The following NEXMIF variants were observed in gnomAD, a reference collection of about 807,000 sequenced individuals.
The protein encoded by NEXMIF is neurite extension and migration factor, also known as XLMR protein related to neurite extension.
In NEXMIF, 8 loss-of-function variants were observed where a neutral mutation model predicts 62.1. That is an observed-to-expected ratio of 0.13 (90% CI 0.08 to 0.23). NEXMIF has a LOEUF of 0.23. Among genes scored for constraint, NEXMIF ranks in the 10% least tolerant of loss-of-function variants. The probability of loss-of-function intolerance (pLI) is 1.00; values close to 1 mark genes in which losing one functional copy is unlikely to be tolerated. For missense variants in NEXMIF, 976 were observed against 1,113.3 expected (o/e 0.88, Z 1.75); for synonymous variants, 404 against 416.6 (o/e 0.97, Z 0.37).
chrX:74,740,195 G>A lies in NEXMIF; in HGVS notation c.4362C>T (p.Ser1454=). 1.7e-6 allele frequency: 2 copies of A among 1,211,189 alleles called. No individual in the cohort carries two copies. Among genetic ancestry groups the A allele is most frequent in the Middle Eastern group, 2.3e-4 (1 of 4,349 alleles). Reference sequence around the variant, plus strand: ...TACATTTCTCATCTCTCAGGGCCTTGGAGCTGGATTTGTGACGATACAACT... The same window carrying A: ...TACATTTCTCATCTCTCAGGGCCTTAGAGCTGGATTTGTGACGATACAACT... ...HKKLYRHKSS[S]KALRDEKCKG... The change falls in exon 3 of 4, where the codon TCC becomes TCT. Residue 1454 remains serine, a synonymous_variant. Coordinates refer to ENST00000055682, the MANE Select transcript of NEXMIF (RefSeq NM_001008537.3).
At chrX:74,832,520 TG>T (rs1272602223) in intron 1 of NEXMIF, among the ~76,000 whole-genome samples, 1 of 111,151 alleles carries the variant, frequency 9.0e-6, no homozygotes, top group East Asian at 2.8e-4. Flanking sequence ...GGTTACAGTT[TG>T]TCAATTTTAT....
chrX:74,859,412 A>T (rs764128134), intron 1 of NEXMIF, among the ~76,000 whole-genome samples: 55 of 111,737 alleles, frequency 4.9e-4, no homozygotes, highest in South Asian at 4.5e-3. Flanking sequence ...TCCCGTGAAA[A>T]TTGCCTTCAA....
At chrX:74,787,104 C>CAA (rs766388500) in intron 1 of NEXMIF, among the ~76,000 whole-genome samples, 455 of 31,741 alleles carry the variant, frequency 0.014, 9 homozygotes, top group East Asian at 0.057. Flanking sequence ...ACCAAAAATA[C>CAA]AAAAAAAAAA....
At chrX:74,785,582 A>T in intron 1 of NEXMIF, among the ~76,000 whole-genome samples, 1 of 112,452 alleles carries the variant, frequency 8.9e-6, no homozygotes, top group Middle Eastern at 4.6e-3. Context: ...AAACTCTACA[A>T]GAATGCATAG....
chrX:74,914,161 T>G (rs1475183096), intron 1 of NEXMIF, among the ~76,000 whole-genome samples: 1 of 111,828 alleles, frequency 8.9e-6, no homozygotes, highest in Non-Finnish European at 1.9e-5. Flanking sequence ...TTTCTATAAT[T>G]TACTCAAACA....
At chrX:74,878,418 G>T (rs191081590) in intron 1 of NEXMIF, among the ~76,000 whole-genome samples, 398 of 112,354 alleles carry the variant, frequency 3.5e-3, no homozygotes, top group African/African-American at 0.011. Flanking sequence ...CATTTAAGTC[G>T]GCAGAGGTTA....
intron 1 of NEXMIF, among the ~76,000 whole-genome samples, chrX:74,902,349 T>C (rs750470072): frequency 9.1e-6 from 1 of 109,727 alleles, no homozygotes; most frequent in Non-Finnish European, 1.9e-5. Flanking sequence ...TGTTTATGTG[T>C]GTGTATATAT....
intron 1 of NEXMIF, among the ~76,000 whole-genome samples, chrX:74,854,518 G>C (rs1252219639): frequency 8.9e-6 from 1 of 111,822 alleles, no homozygotes; most frequent in Non-Finnish European, 1.9e-5. Flanking sequence ...ACTGGAGCAA[G>C]AAAAGGATGC....
intron 1 of NEXMIF, among the ~76,000 whole-genome samples, chrX:74,849,602 G>C (rs965532790): frequency 4.4e-5 from 5 of 112,755 alleles, no homozygotes; most frequent in Non-Finnish European, 9.4e-5. Context: ...CTGGAGCCCA[G>C]CAGGCCTTGC....
chrX:74,787,825 T>C (rs1431852045), intron 1 of NEXMIF, among the ~76,000 whole-genome samples: 1 of 112,180 alleles, frequency 8.9e-6, no homozygotes, highest in African/African-American at 3.2e-5. Flanking sequence ...TATTGGTTTC[T>C]GCACTGCTGG....
intron 1 of NEXMIF, among the ~76,000 whole-genome samples, chrX:74,850,088 T>C (rs1347667865): frequency 8.9e-6 from 1 of 111,989 alleles, no homozygotes; most frequent in Non-Finnish European, 1.9e-5. Context: ...TCCCAGTGTC[T>C]GAGCATGCCA....
At chrX:74,787,833 T>G (rs915436468) in intron 1 of NEXMIF, among the ~76,000 whole-genome samples, 1 of 111,984 alleles carries the variant, frequency 8.9e-6, no homozygotes, top group Non-Finnish European at 1.9e-5. Context: ...TCTGCACTGC[T>G]GGGAAGAGAG....
In NEXMIF at chrX:74,899,097, T is replaced by A. The variant is rs182596127; in HGVS notation, c.-48+25786A>T. 1.6e-4 allele frequency among the ~76,000 whole-genome samples: 18 copies of A among 111,286 alleles called. No individual in the cohort carries two copies. The Admixed American group carries it at 1.7e-3, about 11-fold the overall frequency. On this transcript the variant is annotated intron_variant, in intron 1 of 3. Transcript: ENST00000055682. ...GCAATCCCTATCAAAAACCCAATGA[T>A]GACAAGCCCACAGCTAACATCATAC...
At chrX:74,889,998 T>TTCTCTCTCTCCCTCTCTCTCTC (rs2080712220) in intron 1 of NEXMIF, among the ~76,000 whole-genome samples, 1 of 95,951 alleles carries the variant, frequency 1.0e-5, no homozygotes, top group Non-Finnish European at 2.1e-5. Context: ...CTCATTCTCT[T>TTCTCTCTCTCCCTCTCTCTCTC]TCTCTCTCTC....
intron 1 of NEXMIF, among the ~76,000 whole-genome samples, chrX:74,878,270 T>C (rs955636650): frequency 5.4e-5 from 6 of 111,865 alleles, no homozygotes; most frequent in African/African-American, 1.9e-4. Context: ...AGTCTGCCCC[T>C]GCTCGGGTGT....
intron 1 of NEXMIF, among the ~76,000 whole-genome samples, chrX:74,748,545 G>C (rs976560514): frequency 1.3e-4 from 15 of 112,155 alleles, no homozygotes; most frequent in African/African-American, 4.9e-4. Context: ...AATCTATTTT[G>C]AGCTAAAATT....
rs1182624041 is a variant in NEXMIF at position 74,742,814 on chromosome X, C to T, written c.1743G>A (p.Leu581=). The T allele has an allele frequency of 8.3e-7, 1 of 1,211,481 alleles. No individual in the cohort carries two copies. The highest frequency in any genetic ancestry group is 1.1e-6 in the Non-Finnish European group (1 of 895,427). The change falls in exon 3 of 4, where the codon CTG becomes CTA. Residue 581 remains leucine (L), a synonymous_variant. Transcript: ENST00000055682. ...SENQLNKYAK[L]APLKGFWQKK... ...TTTGCCAGAAGCCTTTCAAGGGTGC[C>T]AGCTTGGCATATTTGTTGAGCTGAT...
At chrX:74,791,924 G>C (rs778364835) in intron 1 of NEXMIF, among the ~76,000 whole-genome samples, 25 of 111,243 alleles carry the variant, frequency 2.2e-4, no homozygotes, top group African/African-American at 7.5e-4. Context: ...CAAAAAACCA[G>C]CTCCTGGATT....
intron 1 of NEXMIF, among the ~76,000 whole-genome samples, chrX:74,875,650 T>G (rs1449559074): frequency 8.9e-6 from 1 of 112,090 alleles, no homozygotes; most frequent in Non-Finnish European, 1.9e-5. Flanking sequence ...GGTAAGCTAT[T>G]GATTATTGCT....
Sources: gnomAD v4.1 joint callset for allele counts (sites outside exome capture counted in the v4.1 genomes callset) on GRCh38, gnomAD v4.1.1 for gene constraint, MANE v1.5 for transcripts, NCBI Gene and HGNC (gene_info 2026-07-23, HGNC 2026-07-21) for gene names.